Variants in IGF1 observed in about 807,000 individuals in gnomAD.
The protein encoded by IGF1 is insulin-like growth factor 1.
In IGF1, 4 loss-of-function variants were observed where a neutral mutation model predicts 13.8. The ratio of observed to expected loss-of-function variants is 0.29; its 90% CI spans 0.14 to 0.66. IGF1 has a LOEUF of 0.66. IGF1 is among the 30% of genes least tolerant of loss of function. The pLI, the probability that IGF1 is intolerant of heterozygous loss-of-function variation, is 0.78. For synonymous variants in IGF1, 76 were observed against 72.6 expected (o/e 1.05, Z -0.23); for missense variants, 124 against 188.5 (o/e 0.66, Z 2.00).
chr12:102,428,232 A>C, intron 2 of IGF1, among the ~76,000 whole-genome samples: 1 of 133,964 alleles, frequency 7.5e-6, no homozygotes, highest in African/African-American at 2.7e-5. Context: ...GTAATCAATA[A>C]TGTGTATATA....
chr12:102,420,457 C>G (rs1008640141), intron 2 of IGF1, among the ~76,000 whole-genome samples: 1 of 152,196 alleles, frequency 6.6e-6, no homozygotes, highest in Non-Finnish European at 1.5e-5. Context: ...ATGCATAGCA[C>G]AGCACCTGAC....
At chr12:102,478,574 G>A in intron 1 of IGF1, 1 of 1,586,218 alleles carries the variant, frequency 6.3e-7, no homozygotes, top group Non-Finnish European at 8.6e-7. Context: ...GAAAACTGAA[G>A]TCTTAAAAAC....
In IGF1 at chr12:102,400,678, G is replaced by C. The variant is rs1386265153; in HGVS notation, c.*1829C>G. On this transcript the variant is annotated 3_prime_UTR_variant, in exon 4 of 4. Transcript: ENST00000337514. ...TGGATCACTTTCCTTATATTGCCTA[G>C]AAAAGAAGGAATCATTGTGTTTTTC... 1 of 151,832 alleles carries C rather than the reference G, an allele frequency of 6.6e-6. No homozygotes were observed. The highest frequency in any genetic ancestry group is 1.5e-5 in the Non-Finnish European group (1 of 67,950). The allele number at this position is 151,832 out of a possible 1,614,324, so 9.4% of individuals were successfully genotyped here. A position where few individuals can be genotyped will look rare whatever the true frequency, so the allele number is the denominator to read the frequency against.
At chr12:102,430,001 G>A (rs931664280) in intron 2 of IGF1, among the ~76,000 whole-genome samples, 1 of 152,192 alleles carries the variant, frequency 6.6e-6, no homozygotes, top group Non-Finnish European at 1.5e-5. Flanking sequence ...CACAGCTGGG[G>A]AAGCTCCTTT....
At position 102,397,324 on chromosome 12, in the gene IGF1, A is replaced by G. The variant is rs1440530981; in HGVS notation, c.*5183T>C. On this transcript the variant is annotated 3_prime_UTR_variant, in exon 4 of 4. Coordinates refer to ENST00000337514, the MANE Select transcript of IGF1 (RefSeq NM_000618.5). Reference sequence around the variant, plus strand: ...ATTCTGAGGCAGATACTAAAATAATAAGGGCTGGGTTGGGATGGGGGCAGA... The same window carrying G: ...ATTCTGAGGCAGATACTAAAATAATGAGGGCTGGGTTGGGATGGGGGCAGA... The G allele has an allele frequency of 6.6e-6, 1 of 152,330 alleles. No homozygotes were observed. The highest frequency in any genetic ancestry group is 1.5e-5 in the Non-Finnish European group (1 of 68,156). 9.4% of individuals were successfully genotyped at this position (152,330 alleles called of 1,614,324 possible).
upstream of IGF1, chr12:102,480,646 T>C: frequency 3.0e-6 from 4 of 1,318,482 alleles, no homozygotes; most frequent in Non-Finnish European, 3.9e-6. Flanking sequence ...ATTTGCCTTC[T>C]CTCTCTCTCC....
intron 2 of IGF1, among the ~76,000 whole-genome samples, chr12:102,467,804 T>C (rs1277487193): frequency 6.6e-6 from 1 of 152,222 alleles, no homozygotes; most frequent in East Asian, 1.9e-4. Context: ...GGAGGAATAC[T>C]GCAGTGGGAT....
Position 102,396,737 on chromosome 12 carries a change from C to T in IGF1, c.*5770G>A. ...CGGTTATTAGGAGAAACTCTGTCTC[C>T]ATCTTAACTCATATTTCAGTTGAGC... is the stretch of plus-strand genomic sequence containing the variant. On this transcript the variant is annotated 3_prime_UTR_variant, in exon 4 of 4. Coordinates refer to ENST00000337514, the MANE Select transcript of IGF1 (RefSeq NM_000618.5). 2.5e-6 allele frequency: 1 copy of T among 394,374 alleles called. No homozygotes were observed. Among genetic ancestry groups the T allele is most frequent in the Non-Finnish European group, 4.5e-6 (1 of 223,756 alleles). The allele number at this position is 394,374 out of a possible 1,614,324, so 24.4% of individuals were successfully genotyped here. A position where few individuals can be genotyped will look rare whatever the true frequency, so the allele number is the denominator to read the frequency against.
intron 2 of IGF1, among the ~76,000 whole-genome samples, chr12:102,457,080 C>T (rs1382685401): frequency 6.6e-6 from 1 of 152,182 alleles, no homozygotes; most frequent in Non-Finnish European, 1.5e-5. Flanking sequence ...CCCAGCCAAC[C>T]AGCGAATTCA....
chr12:102,422,319 T>A (rs2137013445), intron 2 of IGF1, among the ~76,000 whole-genome samples: 1 of 152,332 alleles, frequency 6.6e-6, no homozygotes, highest in Admixed American at 6.5e-5. Flanking sequence ...ACCACAATCC[T>A]AGAGAGATGT....
chr12:102,434,182 G>A (rs1877002538), intron 2 of IGF1, among the ~76,000 whole-genome samples: 1 of 148,626 alleles, frequency 6.7e-6, no homozygotes, highest in South Asian at 2.1e-4. Context: ...AAGTTTTAGG[G>A]TACATGTGCA....
At chr12:102,416,111 G>C (rs1398323873) in intron 3 of IGF1, among the ~76,000 whole-genome samples, 3 of 152,196 alleles carry the variant, frequency 2.0e-5, no homozygotes, top group Non-Finnish European at 2.9e-5. Context: ...GCATGGCAGA[G>C]GCATGGAGGA....
chr12:102,436,444 G>T (rs560748544), intron 2 of IGF1, among the ~76,000 whole-genome samples: 1 of 152,286 alleles, frequency 6.6e-6, no homozygotes, highest in South Asian at 2.1e-4. Context: ...GTAAAATTCA[G>T]CTCAGAAGAC....
chr12:102,422,746 G>A (rs1416647078), intron 2 of IGF1, among the ~76,000 whole-genome samples: 5 of 152,134 alleles, frequency 3.3e-5, no homozygotes, highest in Admixed American at 6.5e-5. Context: ...TTGTCATTTC[G>A]ACTAATTTTT....
chr12:102,445,664 C>T (rs568248939), intron 2 of IGF1, among the ~76,000 whole-genome samples: 3 of 152,338 alleles, frequency 2.0e-5, no homozygotes, highest in East Asian at 3.9e-4. Context: ...TCTAAATATA[C>T]AATCATGTCA....
chr12:102,411,423 G>C (rs1400446406), intron 3 of IGF1, among the ~76,000 whole-genome samples: 1 of 152,170 alleles, frequency 6.6e-6, no homozygotes, highest in Non-Finnish European at 1.5e-5. Context: ...ACAGATGGCA[G>C]GGCTAGTTGG....
At chr12:102,475,552 A>C in intron 2 of IGF1, 91 bp downstream of exon 2, 1 of 1,424,896 alleles carries the variant, frequency 7.0e-7, no homozygotes, top group Non-Finnish European at 9.9e-7. Flanking sequence ...ACGGGCACTC[A>C]TTCAGTTATT....
intron 2 of IGF1, among the ~76,000 whole-genome samples, chr12:102,440,116 C>A (rs963577242): frequency 2.0e-5 from 3 of 152,182 alleles, no homozygotes; most frequent in Non-Finnish European, 2.9e-5. Context: ...CGCTAAGCAT[C>A]CCCATTCTAC....
chr12:102,468,753 G>A (rs552505584), intron 2 of IGF1, among the ~76,000 whole-genome samples: 9 of 152,204 alleles, frequency 5.9e-5, no homozygotes, highest in African/African-American at 1.9e-4. Flanking sequence ...AGCTCAATGC[G>A]AAAACGATTT....
Sources: allele counts gnomAD v4.1 joint callset (sites outside exome capture counted in the v4.1 genomes callset), GRCh38; gene constraint gnomAD v4.1.1; transcripts MANE v1.5; gene names NCBI Gene and HGNC (gene_info 2026-07-23, HGNC 2026-07-21).